The following SGMS1 variants were observed in gnomAD, a reference collection of about 807,000 sequenced individuals.
SGMS1 encodes sphingomyelin synthase 1.
A neutral mutation model predicts 46.2 loss-of-function variants in SGMS1; 13 were observed. The ratio of observed to expected loss-of-function variants is 0.28; its 90% CI spans 0.18 to 0.45. The LOEUF is 0.45. SGMS1 is among the 20% of genes least tolerant of loss of function. The probability of loss-of-function intolerance (pLI) is 1.00; values close to 1 mark genes in which losing one functional copy is unlikely to be tolerated. For missense variants in SGMS1, 324 were observed against 519.9 expected (o/e 0.62, Z 3.66); for synonymous variants, 203 against 187.8 (o/e 1.08, Z -0.66).
At chr10:50,487,226 T>C (rs1837528653) in intron 3 of SGMS1, among the ~76,000 whole-genome samples, 1 of 152,048 alleles carries the variant, frequency 6.6e-6, no homozygotes, top group Non-Finnish European at 1.5e-5. Flanking sequence ...AGCAAACTAA[T>C]GCAGGAACAG....
At chr10:50,590,910 A>C (rs1244610556) in intron 1 of SGMS1, among the ~76,000 whole-genome samples, 2 of 152,200 alleles carry the variant, frequency 1.3e-5, no homozygotes, top group Non-Finnish European at 2.9e-5. Flanking sequence ...CAAAAACTGG[A>C]GCTTCAATGA....
intron 1 of SGMS1, among the ~76,000 whole-genome samples, chr10:50,621,086 G>T (rs1838845567): frequency 6.6e-6 from 1 of 152,112 alleles, no homozygotes; most frequent in Non-Finnish European, 1.5e-5. Context: ...TGAGGTAAGA[G>T]AATCCCCTGA....
At chr10:50,427,261 T>C (rs924671374) in intron 6 of SGMS1, among the ~76,000 whole-genome samples, 3 of 152,020 alleles carry the variant, frequency 2.0e-5, no homozygotes, top group African/African-American at 7.3e-5. Flanking sequence ...TAGCCGGGTG[T>C]GGTGGCGGGC....
intron 2 of SGMS1, among the ~76,000 whole-genome samples, chr10:50,533,081 T>C (rs537360060): frequency 6.2e-4 from 95 of 152,310 alleles, no homozygotes; most frequent in African/African-American, 2.1e-3. Flanking sequence ...AAAAAAATGC[T>C]GAGCTAATGT....
At chr10:50,362,708 G>T (rs974489688) in intron 6 of SGMS1, among the ~76,000 whole-genome samples, 3 of 152,114 alleles carry the variant, frequency 2.0e-5, no homozygotes, top group Non-Finnish European at 4.4e-5. Context: ...TGACAAACAG[G>T]AAGTTTACCA....
rs2133361246 is a variant in SGMS1 at position 50,344,014 on chromosome 10, T to C, written c.101A>G (p.Gln34Arg). Residue 34 changes from glutamine (Q) to arginine (R), a missense_variant, in exon 7 of 11, where the codon CAG becomes CGG. By Grantham distance (43) the Gln-to-Arg change is conservative. This residue lies in a region of SGMS1 where 150 missense variants were observed against 169.8 expected (regional missense o/e 0.88). Coordinates refer to ENST00000361781, the MANE Select transcript of SGMS1 (RefSeq NM_147156.4). Reference sequence around the variant, plus strand: ...CTCTTGGGTTAGGTTGATCAAGTCCTGGCCTGTGAAATGCTCCAGAGGCTC... The same window carrying C: ...CTCTTGGGTTAGGTTGATCAAGTCCCGGCCTGTGAAATGCTCCAGAGGCTC... ...YCEPLEHFTG[Q>R]DLINLTQEDF... 1.9e-6 allele frequency: 3 copies of C among 1,614,218 alleles called. No homozygotes were observed. The highest frequency in any genetic ancestry group is 2.5e-6 in the Non-Finnish European group (3 of 1,180,032).
rs962248339 is a variant in SGMS1 at position 50,447,618 on chromosome 10, TTTAAA to T, written c.-313+13050_-313+13054del. ...ATAACCCATATTGTTTCTGCTTCTT[TTTAAA>T]TTATTTTTAATTGACAAATAAAAAT... On this transcript the variant is annotated intron_variant, in intron 5 of 10. Transcript: ENST00000361781. 5.4e-4 allele frequency among the ~76,000 whole-genome samples: 82 copies of T among 152,222 alleles called. 2 individuals carry two copies. The highest frequency in any genetic ancestry group is 1.8e-4 in the Non-Finnish European group (12 of 68,020).
intron 6 of SGMS1, among the ~76,000 whole-genome samples, chr10:50,412,676 C>T (rs1055133794): frequency 7.9e-5 from 12 of 152,066 alleles, no homozygotes; most frequent in African/African-American, 2.9e-4. Context: ...GCTGCTTACA[C>T]CTTAAGGCAT....
intron 2 of SGMS1, among the ~76,000 whole-genome samples, chr10:50,557,720 T>C (rs1326010993): frequency 4.0e-5 from 6 of 151,414 alleles, no homozygotes; most frequent in Non-Finnish European, 7.4e-5. Context: ...CAAAAAAATT[T>C]GTATTGTTAG....
At chr10:50,555,425 C>A (rs1190538678) in intron 2 of SGMS1, among the ~76,000 whole-genome samples, 1 of 152,188 alleles carries the variant, frequency 6.6e-6, no homozygotes, top group Non-Finnish European at 1.5e-5. Context: ...AGGGCAGGAC[C>A]TGGCTCACAA....
intron 5 of SGMS1, among the ~76,000 whole-genome samples, chr10:50,441,303 A>G (rs887693319): frequency 6.6e-6 from 1 of 152,010 alleles, no homozygotes; most frequent in African/African-American, 2.4e-5. Flanking sequence ...AATCAGTCTC[A>G]CTCAAGTATG....
chr10:50,349,111 C>T (rs1387852113), intron 6 of SGMS1, among the ~76,000 whole-genome samples: 1 of 152,218 alleles, frequency 6.6e-6, no homozygotes, highest in African/African-American at 2.4e-5. Flanking sequence ...AGGTGAGCCC[C>T]ATCAGGGCCT....
intron 6 of SGMS1, among the ~76,000 whole-genome samples, chr10:50,355,518 G>A (rs1366493555): frequency 6.6e-6 from 1 of 152,218 alleles, no homozygotes; most frequent in Non-Finnish European, 1.5e-5. Context: ...CGAGTGATCT[G>A]CCAGCCTTGG....
intron 1 of SGMS1, among the ~76,000 whole-genome samples, chr10:50,615,253 C>A (rs966640483): frequency 1.3e-5 from 2 of 152,174 alleles, no homozygotes; most frequent in Admixed American, 1.3e-4. Context: ...CAGGTCTTTC[C>A]GGACAAAAGC....
At chr10:50,600,852 C>T (rs534716032) in intron 1 of SGMS1, among the ~76,000 whole-genome samples, 1 of 152,110 alleles carries the variant, frequency 6.6e-6, no homozygotes, top group Non-Finnish European at 1.5e-5. Context: ...TAGCCAAGAA[C>T]CGAGTCTAGG....
intron 2 of SGMS1, among the ~76,000 whole-genome samples, chr10:50,523,217 T>C (rs1837871551): frequency 6.6e-6 from 1 of 152,208 alleles, no homozygotes; most frequent in Non-Finnish European, 1.5e-5. Context: ...TACTTCTCTC[T>C]TTTTCTCTTT....
intron 1 of SGMS1, among the ~76,000 whole-genome samples, chr10:50,613,930 C>T (rs572835477): frequency 9.2e-5 from 14 of 152,286 alleles, no homozygotes; most frequent in African/African-American, 2.9e-4. Flanking sequence ...GACCTCGTGG[C>T]AGCTGGAGGA....
intron 8 of SGMS1, among the ~76,000 whole-genome samples, chr10:50,323,525 T>C (rs1410415175): frequency 6.6e-6 from 1 of 152,342 alleles, no homozygotes. Flanking sequence ...TTCATCCATA[T>C]CCACAGCTTT....
At chr10:50,521,884 T>C (rs538525308) in intron 2 of SGMS1, among the ~76,000 whole-genome samples, 1 of 152,284 alleles carries the variant, frequency 6.6e-6, no homozygotes, top group Admixed American at 6.5e-5. Context: ...GTTGTCCAAC[T>C]TTTCCAATGA....
Sources: allele counts gnomAD v4.1 joint callset (sites outside exome capture counted in the v4.1 genomes callset), GRCh38; gene constraint gnomAD v4.1.1; regional missense constraint gnomAD v4.1.1; transcripts MANE v1.5; gene names NCBI Gene and HGNC (gene_info 2026-07-23, HGNC 2026-07-21).